RAB40B: variants seen among roughly 807,000 people sequenced by gnomAD.
The protein encoded by RAB40B is RAB40B, member RAS oncogene family, also known as ras-related protein Rab-40B.
In RAB40B, 21 loss-of-function variants were observed where a neutral mutation model predicts 24.0. The observed-to-expected ratio is 0.88, with a 90% CI of 0.62 to 1.26. RAB40B has a LOEUF of 1.26. Among genes scored for constraint, RAB40B ranks in the 50% most tolerant of loss-of-function variants. RAB40B has a pLI of 0.00. For synonymous variants in RAB40B, 167 were observed against 169.8 expected, an observed-to-expected ratio of 0.98 and a Z score of 0.13; for missense variants, 348 against 390.5, an observed-to-expected ratio of 0.89 and a Z score of 0.92.
intron 1 of RAB40B, among the ~76,000 whole-genome samples, chr17:82,683,603 G>A (rs924679040): frequency 4.4e-4 from 67 of 151,894 alleles, no homozygotes; most frequent in Non-Finnish European, 1.8e-4. Flanking sequence ...TCTCTCAAGG[G>A]CAGTCTGGAC....
intron 1 of RAB40B, among the ~76,000 whole-genome samples, chr17:82,690,346 G>A (rs1046638862): frequency 1.3e-5 from 2 of 151,238 alleles, no homozygotes; most frequent in Non-Finnish European, 2.9e-5. Flanking sequence ...AGCAGAGAGT[G>A]TGTACGTGTG....
intron 1 of RAB40B, among the ~76,000 whole-genome samples, chr17:82,689,091 A>G (rs2046530343): frequency 6.6e-6 from 1 of 152,254 alleles, no homozygotes; most frequent in African/African-American, 2.4e-5. Context: ...AAGGTTAAAA[A>G]CATCTCTGAA....
intron 1 of RAB40B, among the ~76,000 whole-genome samples, chr17:82,680,574 A>G (rs2046439375): frequency 6.6e-6 from 1 of 152,118 alleles, no homozygotes; most frequent in East Asian, 1.9e-4. Flanking sequence ...TACCACTACA[A>G]TCTTATCACC....
intron 1 of RAB40B, among the ~76,000 whole-genome samples, chr17:82,672,577 G>C (rs2046352834): frequency 6.6e-6 from 1 of 152,218 alleles, no homozygotes; most frequent in Non-Finnish European, 1.5e-5. Context: ...ATTAGGATTA[G>C]GTAGGGTCAG....
intron 1 of RAB40B, chr17:82,668,218 G>C (rs909285499): frequency 1.3e-5 from 2 of 154,560 alleles, no homozygotes; most frequent in African/African-American, 4.8e-5. Context: ...CTCTGAGTCT[G>C]GGGTTTTTGT....
In RAB40B at chr17:82,655,932, C is replaced by T. The variant is rs1048173631; in HGVS notation, c.*1931G>A. ...CTGAATACAGGCTTTGCCCCTGATT[C>T]TAGGGTCCCTTAAATTTCTTTTTTT... On this transcript the variant is annotated 3_prime_UTR_variant, in exon 6 of 6. Transcript: ENST00000571995. The T allele has an allele frequency of 5.4e-5, 8 of 149,032 alleles. No individual in the cohort carries two copies. The highest frequency in any genetic ancestry group is 1.2e-4 in the Non-Finnish European group (8 of 67,426). 9.2% of individuals were successfully genotyped at this position (149,032 alleles called of 1,614,324 possible).
rs1168692528 is a variant in RAB40B, at chr17:82,675,162, C to T, written c.143-10606G>A. On this transcript the variant is annotated intron_variant, in intron 1 of 5. Transcript: ENST00000571995. This position sits in a 1 kb window ranked among gnomAD's most constrained non-coding sequence, Gnocchi z 4.5. ...TCTTCCCCAAGCAAAGTACAATGAC[C>T]TCCACATCCCGGAATTTCACTAACA... 6.6e-6 allele frequency among the ~76,000 whole-genome samples: 1 copy of T among 152,176 alleles called. No individual in the cohort carries two copies. The highest frequency in any genetic ancestry group is 1.9e-4 in the East Asian group (1 of 5,204).
rs1043352124 is a variant in RAB40B, at chr17:82,663,066, G to T, written c.203+1430C>A. On this transcript the variant is annotated intron_variant, in intron 2 of 5. Transcript: ENST00000571995. This position sits in a 1 kb window ranked among gnomAD's most constrained non-coding sequence, Gnocchi z 6.2. ...AGGCCCAGCTGGCGGAGGGTGGGGA[G>T]CAGGACAGGGGCTGACGGCAACCCC... Among the ~76,000 whole-genome samples the T allele has an allele frequency of 2.0e-5, 3 of 152,166 alleles. No homozygotes were observed. The highest frequency in any genetic ancestry group is 2.1e-4 in the South Asian group (1 of 4,832).
chr17:82,678,107 GT>G (rs917604249), intron 1 of RAB40B, among the ~76,000 whole-genome samples: 1 of 151,940 alleles, frequency 6.6e-6, no homozygotes, highest in African/African-American at 2.4e-5. Flanking sequence ...AGTCTTTGCA[GT>G]TTTTTTTGTT....
At position 82,661,653 on chromosome 17, in the gene RAB40B, G is replaced by A. The variant is rs528680184; in HGVS notation, c.204-606C>T. Among the ~76,000 whole-genome samples, 72 of 152,246 alleles carry A rather than the reference G, an allele frequency of 4.7e-4. 1 individual carries two copies. Among genetic ancestry groups the A allele is most frequent in the African/African-American group, 1.4e-3 (58 of 41,554 alleles). On this transcript the variant is annotated intron_variant, in intron 2 of 5. Coordinates refer to ENST00000571995, the MANE Select transcript of RAB40B (RefSeq NM_006822.3). ...GATAATCCCAGCGCTTTGGGAGACC[G>A]AGGCAGGCGGATCACCCGAGGTCAG...
intron 1 of RAB40B, among the ~76,000 whole-genome samples, chr17:82,669,528 C>G (rs1217739879): frequency 6.6e-6 from 1 of 151,964 alleles, no homozygotes; most frequent in Non-Finnish European, 1.5e-5. Context: ...TGGTGCACAC[C>G]TGTCGTCCCA....
rs1424138432 is a variant in RAB40B, at chr17:82,664,500, G to A, written c.199C>T (p.Leu67Phe). 3 of 1,613,140 alleles carry A rather than the reference G, an allele frequency of 1.9e-6. No individual in the cohort carries two copies. The highest frequency in any genetic ancestry group is 2.5e-6 in the Non-Finnish European group (3 of 1,179,600). ...LLDGRRVKLQ[L>F]WDTSGQGRFC... ...TCGCACCTCCTCCAGACTCACCAGA[G>A]CTGCAGCTTCACCCGCCGCCCGTCC... is the stretch of plus-strand genomic sequence containing the variant. The change falls in exon 2 of 6, where the codon CTC (leucine) becomes TTC (phenylalanine). Residue 67 changes from leucine (L) to phenylalanine (F), a missense_variant. Leu to Phe is a conservative substitution (Grantham distance 22). Transcript: ENST00000571995.
At chr17:82,666,323 C>T (rs2046257289) in intron 1 of RAB40B, among the ~76,000 whole-genome samples, 1 of 152,098 alleles carries the variant, frequency 6.6e-6, no homozygotes, top group African/African-American at 2.4e-5. Flanking sequence ...TGGCTCACTG[C>T]AACCTCGGCC....
At chr17:82,665,893 A>T (rs4789819) in intron 1 of RAB40B, among the ~76,000 whole-genome samples, 3 of 136,448 alleles carry the variant, frequency 2.2e-5, no homozygotes, top group African/African-American at 7.9e-5. Context: ...ACAACAACAA[A>T]AAAAAAAAAA....
At chr17:82,690,491 C>T (rs1406806505) in intron 1 of RAB40B, among the ~76,000 whole-genome samples, 2 of 129,892 alleles carry the variant, frequency 1.5e-5, no homozygotes, top group Non-Finnish European at 1.6e-5. Flanking sequence ...CGTGTGTTGC[C>T]GGGGAGCAGA....
At chr17:82,673,297 T>C (rs946818899) in intron 1 of RAB40B, among the ~76,000 whole-genome samples, 1 of 152,230 alleles carries the variant, frequency 6.6e-6, no homozygotes, top group African/African-American at 2.4e-5. Flanking sequence ...CACTGTAATT[T>C]TCCCCAACTA....
intron 1 of RAB40B, among the ~76,000 whole-genome samples, chr17:82,674,359 T>C (rs1459811648): frequency 9.5e-5 from 13 of 136,558 alleles, no homozygotes; most frequent in East Asian, 6.7e-4. Flanking sequence ...AGACCAGGCG[T>C]GGTGGTTCAC....
Position 82,675,998 on chromosome 17 carries a change from A to G in RAB40B, c.143-11442T>C, listed in dbSNP as rs963062505. Among the ~76,000 whole-genome samples the G allele has an allele frequency of 3.3e-5, 5 of 152,132 alleles. No individual in the cohort carries two copies. The highest frequency in any genetic ancestry group is 7.4e-5 in the Non-Finnish European group (5 of 67,996). On this transcript the variant is annotated intron_variant, in intron 1 of 5. Coordinates refer to ENST00000571995, the MANE Select transcript of RAB40B (RefSeq NM_006822.3). The surrounding 1 kb of genome is among the most constrained non-coding windows in gnomAD (Gnocchi z 4.5). ...TGGTACGGGACGGTGAGGACCCCAC[A>G]GGGCTGGTAAAGCACAGACGCTGCA...
intron 2 of RAB40B, chr17:82,661,953 G>A: frequency 1.0e-6 from 1 of 984,354 alleles, no homozygotes; most frequent in African/African-American, 1.7e-5. Flanking sequence ...CCAGGGATCA[G>A]TTCCCAGAGG....
Sources: gnomAD v4.1 joint callset for allele counts (sites outside exome capture counted in the v4.1 genomes callset) on GRCh38, gnomAD v4.1.1 for gene constraint, Gnocchi (gnomAD v3.1) non-coding constraint, MANE v1.5 for transcripts, NCBI Gene and HGNC (gene_info 2026-07-23, HGNC 2026-07-21) for gene names.